ST6GALNAC3: variants seen among roughly 807,000 people sequenced by gnomAD.
ST6GALNAC3 encodes alpha-N-acetylgalactosaminide alpha-2,6-sialyltransferase 3.
ST6GALNAC3 carries 25 observed loss-of-function variants against 32.7 expected under a neutral mutation model. The ratio of observed to expected loss-of-function variants is 0.76; its 90% confidence interval spans 0.56 to 1.07. The LOEUF (loss-of-function observed/expected upper bound fraction) is 1.07, where lower values mean the gene tolerates loss of function less well. ST6GALNAC3 is among the 50% of genes least tolerant of loss of function. ST6GALNAC3 has a pLI of 0.00. For missense variants in ST6GALNAC3, 355 were observed against 382.4 expected, an observed-to-expected ratio of 0.93 and a Z score of 0.60; for synonymous variants, 129 against 133.1, an observed-to-expected ratio of 0.97 and a Z score of 0.21.
intron 3 of ST6GALNAC3, among the ~76,000 whole-genome samples, chr1:76,470,407 A>G (rs560629674): frequency 7.8e-4 from 119 of 152,202 alleles, no homozygotes; most frequent in African/African-American, 2.8e-3. Context: ...GAAGACTGGG[A>G]TCTACTCCCA....
At chr1:76,244,011 G>T (rs190810942) in intron 1 of ST6GALNAC3, among the ~76,000 whole-genome samples, 1 of 152,202 alleles carries the variant, frequency 6.6e-6, no homozygotes, top group Non-Finnish European at 1.5e-5. Flanking sequence ...GATGGGGATG[G>T]CATTGAATCT....
chr1:76,526,210 C>T (rs528819369), intron 3 of ST6GALNAC3, among the ~76,000 whole-genome samples: 2 of 152,086 alleles, frequency 1.3e-5, no homozygotes, highest in East Asian at 3.9e-4. Context: ...ATATAATATG[C>T]AACACTCCCA....
intron 1 of ST6GALNAC3, among the ~76,000 whole-genome samples, chr1:76,145,444 T>C (rs907601797): frequency 6.6e-6 from 1 of 152,182 alleles, no homozygotes; most frequent in Non-Finnish European, 1.5e-5. Flanking sequence ...ACGTGGAGTC[T>C]CAGACTCCAC....
chr1:76,343,263 G>A (rs1384981426), intron 2 of ST6GALNAC3, among the ~76,000 whole-genome samples: 1 of 152,080 alleles, frequency 6.6e-6, no homozygotes, highest in African/African-American at 2.4e-5. Context: ...ACATGTTATT[G>A]TCTGAGTAAA....
rs146497903 is a variant in ST6GALNAC3 at position 76,267,925 on chromosome 1, G to A, written c.19-45880G>A. Among the ~76,000 whole-genome samples the A allele has an allele frequency of 6.3e-3, 959 of 152,294 alleles. 26 individuals carry two copies. Among genetic ancestry groups the A allele is most frequent in the Admixed American group, 0.05 (765 of 15,294 alleles). On this transcript the variant is annotated intron_variant, in intron 1 of 4. Transcript: ENST00000328299. Reference sequence around the variant, plus strand: ...TTTCTACCTTCTGCAGTATAGAGAAGAGAAAAGGAAGTATATGATGTTCTC... The same window carrying A: ...TTTCTACCTTCTGCAGTATAGAGAAAAGAAAAGGAAGTATATGATGTTCTC...
At chr1:76,592,861 T>A (rs1305225720) in intron 3 of ST6GALNAC3, among the ~76,000 whole-genome samples, 1 of 152,200 alleles carries the variant, frequency 6.6e-6, no homozygotes, top group East Asian at 1.9e-4. Context: ...GAGGAGAGGA[T>A]GTGTGCCTTA....
chr1:76,429,960 C>T lies in ST6GALNAC3; in HGVS notation c.623+17543C>T, dbSNP rs150771603. ...GGACTCATTCACTTCCATAAGTCAA[C>T]CATCACTGCTACGTCTTGTCTCCAT... On this transcript the variant is annotated intron_variant, in intron 3 of 4. Transcript: ENST00000328299. Among the ~76,000 whole-genome samples the T allele has an allele frequency of 3.5e-4, 54 of 152,274 alleles. No individual in the cohort carries two copies. The East Asian group carries it at 8.5e-3, about 24-fold the overall frequency.
intron 3 of ST6GALNAC3, among the ~76,000 whole-genome samples, chr1:76,580,513 T>G (rs1453901198): frequency 6.6e-6 from 1 of 152,138 alleles, no homozygotes; most frequent in African/African-American, 2.4e-5. Flanking sequence ...CAACAACCTG[T>G]TTTATTCTTC....
At chr1:76,135,085 T>C (rs1307616078) in intron 1 of ST6GALNAC3, among the ~76,000 whole-genome samples, 5 of 151,556 alleles carry the variant, frequency 3.3e-5, no homozygotes, top group Non-Finnish European at 5.9e-5. Flanking sequence ...AAGGTTGCAG[T>C]GAGCCAAGAT....
At chr1:76,586,876 A>G (rs1295724257) in intron 3 of ST6GALNAC3, among the ~76,000 whole-genome samples, 1 of 152,172 alleles carries the variant, frequency 6.6e-6, no homozygotes, top group East Asian at 1.9e-4. Flanking sequence ...TTAAAAGTGA[A>G]TCTATCCATG....
intron 1 of ST6GALNAC3, among the ~76,000 whole-genome samples, chr1:76,269,638 T>C (rs1658724680): frequency 6.6e-6 from 1 of 152,202 alleles, no homozygotes; most frequent in Non-Finnish European, 1.5e-5. Context: ...TTGGTAGGTA[T>C]CCAGTTATAA....
Position 76,200,626 on chromosome 1 carries a change from A to G in ST6GALNAC3, c.19-113179A>G, listed in dbSNP as rs147267804. On this transcript the variant is annotated intron_variant, in intron 1 of 4. Coordinates refer to ENST00000328299, the MANE Select transcript of ST6GALNAC3 (RefSeq NM_152996.4). ...TTGTACATAAATTAGATAATATTGG[A>G]TGGTTTTGGTTGAGCTGGTCTTTGG... is the stretch of plus-strand genomic sequence containing the variant. Among the ~76,000 whole-genome samples the G allele has an allele frequency of 3.5e-3, 529 of 152,238 alleles. 4 individuals carry two copies. Among genetic ancestry groups the G allele is most frequent in the African/African-American group, 8.9e-3 (368 of 41,540 alleles).
intron 3 of ST6GALNAC3, among the ~76,000 whole-genome samples, chr1:76,570,527 A>C (rs897629307): frequency 6.6e-6 from 1 of 152,062 alleles, no homozygotes; most frequent in African/African-American, 2.4e-5. Flanking sequence ...ATAGGAAACT[A>C]CTTAAAAGAA....
intron 3 of ST6GALNAC3, among the ~76,000 whole-genome samples, chr1:76,579,326 C>T (rs1646858442): frequency 6.6e-6 from 1 of 152,046 alleles, no homozygotes; most frequent in Non-Finnish European, 1.5e-5. Context: ...CCCAACCCTT[C>T]TCCCACCTGT....
chr1:76,359,268 CA>C (rs1392874018), intron 2 of ST6GALNAC3, among the ~76,000 whole-genome samples: 4 of 152,140 alleles, frequency 2.6e-5, no homozygotes, highest in African/African-American at 9.7e-5. Flanking sequence ...GTTGAAGTAT[CA>C]ATCCTTTTAC....
intron 1 of ST6GALNAC3, among the ~76,000 whole-genome samples, chr1:76,233,382 CA>C (rs1179920336): frequency 6.6e-5 from 10 of 152,166 alleles, no homozygotes; most frequent in African/African-American, 2.4e-4. Flanking sequence ...AATAATCTAA[CA>C]TGCTTCGACC....
intron 1 of ST6GALNAC3, among the ~76,000 whole-genome samples, chr1:76,084,741 A>G (rs1403266276): frequency 2.0e-5 from 3 of 151,626 alleles, no homozygotes; most frequent in African/African-American, 7.3e-5. Flanking sequence ...TTGCCTACAC[A>G]TTTGCATTGT....
chr1:76,492,938 T>G (rs1557485548), intron 3 of ST6GALNAC3, among the ~76,000 whole-genome samples: 1 of 152,158 alleles, frequency 6.6e-6, no homozygotes, highest in Non-Finnish European at 1.5e-5. Flanking sequence ...TTGGGACTGC[T>G]TAAGTCATTT....
intron 1 of ST6GALNAC3, among the ~76,000 whole-genome samples, chr1:76,141,753 A>G (rs896742002): frequency 6.6e-6 from 1 of 152,198 alleles, no homozygotes; most frequent in African/African-American, 2.4e-5. Flanking sequence ...TGGATCTAGC[A>G]TCTTCATTAT....
Sources: gnomAD v4.1 joint callset for allele counts (sites outside exome capture counted in the v4.1 genomes callset) on GRCh38, gnomAD v4.1.1 for gene constraint, MANE v1.5 for transcripts, NCBI Gene and HGNC (gene_info 2026-07-23, HGNC 2026-07-21) for gene names.